ADAMTS17: variants seen among roughly 807,000 people sequenced by gnomAD.
The protein encoded by ADAMTS17 is ADAM metallopeptidase with thrombospondin type 1 motif 17.
A neutral mutation model predicts 141.5 loss-of-function variants in ADAMTS17; 113 were observed. The ratio of observed to expected loss-of-function variants is 0.80; its 90% CI spans 0.69 to 0.93. The LOEUF is 0.93. Ranked by LOEUF, ADAMTS17 falls within the 40% of genes least tolerant of loss-of-function variation. The pLI is 0.00. For synonymous variants in ADAMTS17, 768 were observed against 630.6 expected, an observed-to-expected ratio of 1.22 and a Z score of -3.27; for missense variants, 1,659 against 1,517.9, an observed-to-expected ratio of 1.09 and a Z score of -1.54.
chr15:100,144,448 G>A (rs1388844732), intron 10 of ADAMTS17, among the ~76,000 whole-genome samples: 1 of 152,082 alleles, frequency 6.6e-6, no homozygotes. Context: ...TTCTTGTGAG[G>A]CTGACGCAGG....
intron 15 of ADAMTS17, among the ~76,000 whole-genome samples, chr15:100,094,742 C>T (rs1045595683): frequency 6.6e-6 from 1 of 152,188 alleles, no homozygotes; most frequent in African/African-American, 2.4e-5. Context: ...GAAAAGCCAA[C>T]AGTAAGTAGT....
chr15:100,152,816 G>GTT, intron 9 of ADAMTS17, 54 bp from the exon 10 acceptor site: 1 of 1,566,266 alleles, frequency 6.4e-7, no homozygotes. Flanking sequence ...AGGTTTTTTT[G>GTT]TTTTCTTTTT....
Position 99,997,525 on chromosome 15 carries a change from C to G in ADAMTS17, c.2656G>C (p.Val886Leu). ...TCEKGFQHRE[V>L]TCVYQLQNGT... ...TTCTGCAGCTGGTACACGCAGGTCA[C>G]CTCCCGGTGCTGGAAGCCTTTCTCA... is the stretch of plus-strand genomic sequence containing the variant. The change falls in exon 19 of 22, where the codon GTG (valine) becomes CTG (leucine). Residue 886 changes from valine to leucine, a missense_variant. Physicochemically the swap from Val to Leu is conservative, Grantham distance 32. Transcript: ENST00000268070. This position sits in a 1 kb window ranked among gnomAD's most constrained non-coding sequence, Gnocchi z 4.7. 6.2e-7 allele frequency: 1 copy of G among 1,613,676 alleles called. No individual in the cohort carries two copies. The highest frequency in any genetic ancestry group is 1.3e-5 in the African/African-American group (1 of 75,070).
intron 18 of ADAMTS17, among the ~76,000 whole-genome samples, chr15:100,036,994 G>T (rs2727188): frequency 0.076 from 11,515 of 152,168 alleles, 1,081 homozygotes; most frequent in African/African-American, 0.22. Flanking sequence ...GTTTCTACCT[G>T]TTAGCCATTA....
Position 99,976,069 on chromosome 15 carries a change from T to TA in ADAMTS17, c.3102_3103insT (p.Asn1035Ter). On this transcript the variant is annotated frameshift_variant, in exon 21 of 22. Coordinates refer to ENST00000268070, the MANE Select transcript of ADAMTS17 (RefSeq NM_139057.4). LOFTEE classifies it high-confidence loss of function. ...CCAAGGCGGGGGGAGGTGATGGTGT[T>TA]GGCGTTGATCCTGTCGTTGCAGACC... 1 of 1,551,442 alleles carries TA rather than the reference T, an allele frequency of 6.4e-7. No homozygotes were observed. Among genetic ancestry groups the TA allele is most frequent in the Non-Finnish European group, 8.7e-7 (1 of 1,146,860 alleles).
intron 3 of ADAMTS17, among the ~76,000 whole-genome samples, chr15:100,304,673 C>A (rs138252020): frequency 1.3e-5 from 2 of 152,164 alleles, no homozygotes; most frequent in Non-Finnish European, 2.9e-5. Context: ...TTATTCTCAT[C>A]GCTAATTCAA....
At position 99,971,756 on chromosome 15, in the gene ADAMTS17, C is replaced by T. The variant is rs564165754; in HGVS notation, c.*2646G>A. ...AATTTTGCACCAATAAAAATAGCAC[C>T]GTAGGGTCGTGAGACTCTGGTAACA... On this transcript the variant is annotated 3_prime_UTR_variant, in exon 22 of 22. Coordinates refer to ENST00000268070, the MANE Select transcript of ADAMTS17 (RefSeq NM_139057.4). The T allele has an allele frequency of 9.9e-5, 15 of 152,270 alleles. 1 individual carries two copies. The highest frequency in any genetic ancestry group is 4.2e-4 in the South Asian group (2 of 4,816). 9.4% of individuals were successfully genotyped at this position (152,270 alleles called of 1,614,324 possible).
chr15:100,122,170 A>C (rs2037484595), intron 12 of ADAMTS17, among the ~76,000 whole-genome samples: 1 of 152,162 alleles, frequency 6.6e-6, no homozygotes, highest in Admixed American at 6.5e-5. Context: ...ACCTAAAGAC[A>C]CAGGATGCTA....
intron 18 of ADAMTS17, among the ~76,000 whole-genome samples, chr15:100,040,846 C>A (rs572494996): frequency 6.6e-6 from 1 of 152,188 alleles, no homozygotes; most frequent in Non-Finnish European, 1.5e-5. Context: ...ATCTAAATTT[C>A]TCCTCCCCAC....
At chr15:100,079,920 G>A (rs1773969309) in intron 15 of ADAMTS17, among the ~76,000 whole-genome samples, 1 of 152,168 alleles carries the variant, frequency 6.6e-6, no homozygotes. Flanking sequence ...ATCCTGAAGA[G>A]GCTGCAAAGA....
intron 18 of ADAMTS17, among the ~76,000 whole-genome samples, chr15:100,032,635 T>C (rs2727178): frequency 0.1 from 15,907 of 152,240 alleles, 2,192 homozygotes; most frequent in African/African-American, 0.32. Context: ...TAGAGCTGCC[T>C]TGGTCAAAAG....
intron 7 of ADAMTS17, among the ~76,000 whole-genome samples, chr15:100,206,496 CAAT>C (rs1032792582): frequency 3.3e-5 from 5 of 152,148 alleles, no homozygotes; most frequent in African/African-American, 1.2e-4. Flanking sequence ...CTATTTCGGT[CAAT>C]AATTTTAAAA....
chr15:100,241,994 A>G (rs998557918), intron 7 of ADAMTS17, among the ~76,000 whole-genome samples: 2 of 152,204 alleles, frequency 1.3e-5, no homozygotes, highest in African/African-American at 4.8e-5. Flanking sequence ...CTTACGCTGC[A>G]TATCTGTAGA....
chr15:100,278,359 T>A (rs1266955339), intron 4 of ADAMTS17, among the ~76,000 whole-genome samples: 2 of 149,980 alleles, frequency 1.3e-5, no homozygotes, highest in Non-Finnish European at 3.0e-5. Context: ...AAAAAGAAAC[T>A]TGCAAAAAAA....
At chr15:100,241,885 A>T (rs911298025) in intron 7 of ADAMTS17, among the ~76,000 whole-genome samples, 1 of 152,228 alleles carries the variant, frequency 6.6e-6, no homozygotes, top group African/African-American at 2.4e-5. Context: ...AAGGTTGCTT[A>T]AACTGAAGTC....
At chr15:100,317,842 G>A (rs2045614276) in intron 3 of ADAMTS17, among the ~76,000 whole-genome samples, 1 of 152,182 alleles carries the variant, frequency 6.6e-6, no homozygotes, top group Admixed American at 6.5e-5. Context: ...CACCATTCCT[G>A]GTTTAGTTTC....
In ADAMTS17 at chr15:99,972,990, G is replaced by T. The variant is rs528731488; in HGVS notation, c.*1412C>A. The T allele has an allele frequency of 6.6e-6, 1 of 152,338 alleles. No homozygotes were observed. The highest frequency in any genetic ancestry group is 2.4e-5 in the African/African-American group (1 of 41,564). The allele number at this position is 152,338 out of a possible 1,614,324, so 9.4% of individuals were successfully genotyped here. On this transcript the variant is annotated 3_prime_UTR_variant, in exon 22 of 22. Transcript: ENST00000268070. ...GGGAGGAGGTGTTATTTACGGTAAA[G>T]TCCTAGAACATAAGCACCCATGAAA...
At position 100,301,481 on chromosome 15, in the gene ADAMTS17, C is replaced by T. The variant is rs754121990; in HGVS notation, c.617-20080G>A. 2.4e-3 allele frequency among the ~76,000 whole-genome samples: 363 copies of T among 150,454 alleles called. 2 individuals carry two copies. Among genetic ancestry groups the T allele is most frequent in the Non-Finnish European group, 4.0e-3 (268 of 67,646 alleles). ...CTGGGACTACAGGCGCCCACCACCA[C>T]ACCGGGCTAATTTTTTTTTTTTTTT... On this transcript the variant is annotated intron_variant, in intron 3 of 21. Coordinates refer to ENST00000268070, the MANE Select transcript of ADAMTS17 (RefSeq NM_139057.4).
chr15:100,179,227 C>T (rs1596200029), intron 8 of ADAMTS17, among the ~76,000 whole-genome samples: 1 of 152,194 alleles, frequency 6.6e-6, no homozygotes, highest in East Asian at 1.9e-4. Flanking sequence ...TGCCAGCCTC[C>T]TATTACCCGT....
Sources: gnomAD v4.1 joint callset for allele counts (sites outside exome capture counted in the v4.1 genomes callset) on GRCh38, gnomAD v4.1.1 for gene constraint, Gnocchi (gnomAD v3.1) non-coding constraint, MANE v1.5 for transcripts, NCBI Gene and HGNC (gene_info 2026-07-23, HGNC 2026-07-21) for gene names.